SEMA3E: variants seen among roughly 807,000 people sequenced by gnomAD.
SEMA3E encodes semaphorin 3E, also known as semaphorin-3E.
A neutral mutation model predicts 93.6 loss-of-function variants in SEMA3E; 49 were observed. That is an observed-to-expected ratio of 0.52 (90% CI 0.42 to 0.66). The LOEUF (loss-of-function observed/expected upper bound fraction) is 0.66, where lower values mean the gene tolerates loss of function less well. SEMA3E is among the 30% of genes least tolerant of loss of function. The probability of loss-of-function intolerance (pLI) is 0.00; values close to 1 mark genes in which losing one functional copy is unlikely to be tolerated. For synonymous variants in SEMA3E, 363 were observed against 330.7 expected (o/e 1.10, Z -1.06); for missense variants, 906 against 964.8 (o/e 0.94, Z 0.81).
At chr7:83,556,254 T>C (rs375712405) in intron 1 of SEMA3E, among the ~76,000 whole-genome samples, 1 of 152,190 alleles carries the variant, frequency 6.6e-6, no homozygotes, top group Non-Finnish European at 1.5e-5. Context: ...CTTTAGCATA[T>C]ATCTTTGGAA....
chr7:83,572,842 TC>T (rs1194461026), intron 1 of SEMA3E, among the ~76,000 whole-genome samples: 2 of 152,056 alleles, frequency 1.3e-5, no homozygotes, highest in African/African-American at 4.8e-5. Context: ...AAACTGGACA[TC>T]TATTTTTTAT....
chr7:83,459,600 C>A (rs1789566791), intron 4 of SEMA3E, among the ~76,000 whole-genome samples: 1 of 152,074 alleles, frequency 6.6e-6, no homozygotes, highest in Non-Finnish European at 1.5e-5. Flanking sequence ...TCAATAAATA[C>A]ACTATGATGT....
chr7:83,470,188 C>G (rs1342814549), intron 2 of SEMA3E, among the ~76,000 whole-genome samples: 2 of 152,030 alleles, frequency 1.3e-5, no homozygotes, highest in Non-Finnish European at 2.9e-5. Flanking sequence ...TTGGTTTATT[C>G]TCTGATAAGA....
intron 1 of SEMA3E, among the ~76,000 whole-genome samples, chr7:83,571,462 G>A (rs532597757): frequency 2.4e-4 from 36 of 152,192 alleles, no homozygotes; most frequent in African/African-American, 7.7e-4. Context: ...AACAGAGTTG[G>A]TAACAAAACC....
At chr7:83,616,713 C>A (rs1439350032) in intron 1 of SEMA3E, 2 of 452,182 alleles carry the variant, frequency 4.4e-6, no homozygotes, top group Middle Eastern at 3.3e-4. Context: ...ACTCTTCATT[C>A]TTCTTCTTTC....
chr7:83,424,289 T>C (rs1788727410), intron 4 of SEMA3E, among the ~76,000 whole-genome samples: 1 of 152,210 alleles, frequency 6.6e-6, no homozygotes, highest in Admixed American at 6.5e-5. Flanking sequence ...TTTGAACACA[T>C]GAAAGCACTA....
At chr7:83,448,213 T>G (rs1184891353) in intron 4 of SEMA3E, among the ~76,000 whole-genome samples, 1 of 152,228 alleles carries the variant, frequency 6.6e-6, no homozygotes, top group Non-Finnish European at 1.5e-5. Context: ...GTCCATGAAT[T>G]AGCAATATAG....
chr7:83,579,726 C>G lies in SEMA3E; in HGVS notation c.115+68702G>C, dbSNP rs541398523. Among the ~76,000 whole-genome samples the G allele has an allele frequency of 7.2e-4, 110 of 152,184 alleles. No individual in the cohort carries two copies. In the South Asian group the frequency reaches 0.012, roughly 16 times the overall value. Reference sequence around the variant, plus strand: ...AATTTGACAATTATTCTTTTTCTTTCTTCATTCACTTTTACTATAGCAAGG... The same window carrying G: ...AATTTGACAATTATTCTTTTTCTTTGTTCATTCACTTTTACTATAGCAAGG... On this transcript the variant is annotated intron_variant, in intron 1 of 16. Coordinates refer to ENST00000643230, the MANE Select transcript of SEMA3E (RefSeq NM_012431.3).
intron 1 of SEMA3E, among the ~76,000 whole-genome samples, chr7:83,504,558 T>C (rs552542551): frequency 6.6e-5 from 10 of 152,290 alleles, no homozygotes; most frequent in African/African-American, 2.4e-4. Context: ...AAGAGAAACA[T>C]GAAGACAGAA....
intron 5 of SEMA3E, among the ~76,000 whole-genome samples, chr7:83,411,728 C>T (rs1055800371): frequency 3.2e-4 from 49 of 151,864 alleles, no homozygotes; most frequent in African/African-American, 9.2e-4. Context: ...AGTTGTGAAT[C>T]AATACATTGA....
At chr7:83,571,386 G>A (rs1413362420) in intron 1 of SEMA3E, among the ~76,000 whole-genome samples, 2 of 152,110 alleles carry the variant, frequency 1.3e-5, no homozygotes, top group African/African-American at 4.8e-5. Context: ...TGATCAAGTA[G>A]GCTTTATTCC....
chr7:83,396,803 G>C (rs771724934), intron 11 of SEMA3E, 74 bp from the exon 12 acceptor site: 267 of 979,184 alleles, frequency 2.7e-4, no homozygotes, highest in Non-Finnish European at 3.0e-4. Context: ...CATGTAGCTG[G>C]CTGGGTGCAG....
intron 4 of SEMA3E, among the ~76,000 whole-genome samples, chr7:83,461,352 C>T (rs879277946): frequency 1.3e-5 from 2 of 152,096 alleles, no homozygotes; most frequent in Admixed American, 6.5e-5. Flanking sequence ...GGCTGCTCCT[C>T]GCCAGGCTGA....
chr7:83,364,691 C>G lies in SEMA3E; in HGVS notation c.*2895G>C, dbSNP rs1794640142. On this transcript the variant is annotated 3_prime_UTR_variant, in exon 17 of 17. Coordinates refer to ENST00000643230, the MANE Select transcript of SEMA3E (RefSeq NM_012431.3). ...TGTTTTATGTCAAAACTAAGTCTAT[C>G]CACAGGTCCTCTCCTGTAACAAAGA... The G allele has an allele frequency of 6.6e-6, 1 of 152,160 alleles. No individual in the cohort carries two copies. The highest frequency in any genetic ancestry group is 2.4e-5 in the African/African-American group (1 of 41,430). 9.4% of individuals were successfully genotyped at this position (152,160 alleles called of 1,614,324 possible).
chr7:83,442,918 G>A (rs1789147123), intron 4 of SEMA3E, among the ~76,000 whole-genome samples: 1 of 152,156 alleles, frequency 6.6e-6, no homozygotes, highest in Non-Finnish European at 1.5e-5. Context: ...GGAATTTCCA[G>A]TACATTGTAG....
intron 9 of SEMA3E, among the ~76,000 whole-genome samples, chr7:83,403,232 T>G (rs2115630400): frequency 6.6e-6 from 1 of 152,106 alleles, no homozygotes; most frequent in East Asian, 1.9e-4. Context: ...GTATTAAGTT[T>G]CTTAATGTAT....
intron 2 of SEMA3E, among the ~76,000 whole-genome samples, chr7:83,472,325 A>T (rs945674355): frequency 2.6e-5 from 4 of 152,170 alleles, no homozygotes; most frequent in Admixed American, 2.6e-4. Context: ...AAGAGATGCT[A>T]TTATTTTGGG....
chr7:83,630,035 G>T (rs1402333305), intron 1 of SEMA3E, among the ~76,000 whole-genome samples: 1 of 152,120 alleles, frequency 6.6e-6, no homozygotes, highest in East Asian at 1.9e-4. Flanking sequence ...CTTTGGCTAG[G>T]GGAGGGTGTT....
At chr7:83,429,327 T>G (rs1232189391) in intron 4 of SEMA3E, among the ~76,000 whole-genome samples, 1 of 152,160 alleles carries the variant, frequency 6.6e-6, no homozygotes, top group Non-Finnish European at 1.5e-5. Flanking sequence ...TATCCTCTAA[T>G]TATTACGTCA....
Sources: allele counts gnomAD v4.1 joint callset (sites outside exome capture counted in the v4.1 genomes callset), GRCh38; gene constraint gnomAD v4.1.1; transcripts MANE v1.5; gene names NCBI Gene and HGNC (gene_info 2026-07-23, HGNC 2026-07-21).